Variants in PTPRO observed in about 807,000 individuals in gnomAD.
PTPRO encodes receptor-type tyrosine-protein phosphatase O.
A neutral mutation model predicts 145.2 loss-of-function variants in PTPRO; 62 were observed. The observed-to-expected ratio is 0.43, with a 90% CI of 0.35 to 0.53. The LOEUF is 0.53. PTPRO is among the 20% of genes least tolerant of loss of function. The pLI is 0.01. For missense variants in PTPRO, 1,345 were observed against 1,482.7 expected, an observed-to-expected ratio of 0.91 and a Z score of 1.53; for synonymous variants, 565 against 514.7, an observed-to-expected ratio of 1.10 and a Z score of -1.32.
At chr12:15,391,841 CT>C (rs1314124981) in intron 1 of PTPRO, among the ~76,000 whole-genome samples, 1 of 152,174 alleles carries the variant, frequency 6.6e-6, no homozygotes, top group Non-Finnish European at 1.5e-5. Flanking sequence ...AAGTGGGTCA[CT>C]GGGAATGATA....
chr12:15,525,058 A>T lies in PTPRO; in HGVS notation c.2043+93A>T, dbSNP rs960666. 0.39 allele frequency: 573,003 copies of T among 1,452,348 alleles called. 114,937 individuals carry two copies. Among genetic ancestry groups the T allele is most frequent in the Admixed American group, 0.5 (29,077 of 58,272 alleles). The allele number at this position is 1,452,348 out of a possible 1,614,324, so 90.0% of individuals were successfully genotyped here. A position where few individuals can be genotyped will look rare whatever the true frequency, so the allele number is the denominator to read the frequency against. On this transcript the variant is annotated intron_variant, in intron 11 of 26. Coordinates refer to ENST00000281171, the MANE Select transcript of PTPRO (RefSeq NM_030667.3). ...AAGCAATCATTTATTGACACGTCAA[A>T]TGTTTGCATACCAGTTGTCTGTTTT...
At chr12:15,556,370 A>G (rs532121620) in intron 15 of PTPRO, among the ~76,000 whole-genome samples, 3 of 152,180 alleles carry the variant, frequency 2.0e-5, no homozygotes. Context: ...TCTCTGCTTC[A>G]GTTCTGAGTA....
At chr12:15,499,668 C>T (rs974169645) in intron 4 of PTPRO, 74 bp downstream of exon 4, 1 of 1,477,888 alleles carries the variant, frequency 6.8e-7, no homozygotes, top group Non-Finnish European at 9.4e-7. Flanking sequence ...ATTTTTTATC[C>T]TAAGAAATAT....
intron 23 of PTPRO, among the ~76,000 whole-genome samples, chr12:15,585,085 A>C (rs1944403091): frequency 6.6e-6 from 1 of 152,174 alleles, no homozygotes. Flanking sequence ...AGCTGCGGAG[A>C]AACTAACTAC....
At chr12:15,575,000 T>A (rs1375220124) in intron 19 of PTPRO, among the ~76,000 whole-genome samples, 4 of 152,182 alleles carry the variant, frequency 2.6e-5, no homozygotes, top group Admixed American at 1.3e-4. Flanking sequence ...TAACCCCCAA[T>A]GCAATGGTAT....
intron 1 of PTPRO, among the ~76,000 whole-genome samples, chr12:15,397,538 A>T (rs1939374893): frequency 6.6e-6 from 1 of 152,164 alleles, no homozygotes; most frequent in African/African-American, 2.4e-5. Flanking sequence ...CTTGCCTGAA[A>T]TTGGATTTCA....
intron 1 of PTPRO, among the ~76,000 whole-genome samples, chr12:15,346,898 T>C (rs568046111): frequency 1.3e-5 from 2 of 152,306 alleles, no homozygotes; most frequent in South Asian, 4.1e-4. Context: ...ACTTTGTTAG[T>C]GTCATCTCTT....
intron 1 of PTPRO, among the ~76,000 whole-genome samples, chr12:15,325,072 G>A (rs559285322): frequency 2.6e-5 from 4 of 152,202 alleles, no homozygotes; most frequent in African/African-American, 7.2e-5. Flanking sequence ...CACGTGTGCC[G>A]AGTCAGAAAT....
intron 1 of PTPRO, among the ~76,000 whole-genome samples, chr12:15,436,760 G>A (rs998619267): frequency 6.6e-6 from 1 of 152,218 alleles, no homozygotes. Flanking sequence ...TTAGTCTTGT[G>A]CCAGAGATTG....
chr12:15,480,258 C>T (rs934156194), intron 1 of PTPRO, among the ~76,000 whole-genome samples: 5 of 152,030 alleles, frequency 3.3e-5, no homozygotes, highest in Admixed American at 6.5e-5. Flanking sequence ...ACATCCAAAA[C>T]CTGGATTTTC....
chr12:15,520,329 G>A lies in PTPRO; in HGVS notation c.1891+17G>A, dbSNP rs368824430. 3 of 1,560,036 alleles carry A rather than the reference G, an allele frequency of 1.9e-6. No homozygotes were observed. Among genetic ancestry groups the A allele is most frequent in the African/African-American group, 2.7e-5 (2 of 73,738 alleles). ...TCATAACAGGTGAGGCATGTGTGGG[G>A]AACAGTTCCACAAGGAGAGAGCATT... On this transcript the variant is annotated intron_variant, in intron 10 of 26. Coordinates refer to ENST00000281171, the MANE Select transcript of PTPRO (RefSeq NM_030667.3).
At chr12:15,475,367 C>T (rs1043267792) in intron 1 of PTPRO, among the ~76,000 whole-genome samples, 1 of 152,154 alleles carries the variant, frequency 6.6e-6, no homozygotes, top group Non-Finnish European at 1.5e-5. Flanking sequence ...TTTTGCTTAA[C>T]AGACTTTCCC....
Position 15,353,968 on chromosome 12 carries a change from C to T in PTPRO, c.75+31167C>T, listed in dbSNP as rs116942334. On this transcript the variant is annotated intron_variant, in intron 1 of 26. Coordinates refer to ENST00000281171, the MANE Select transcript of PTPRO (RefSeq NM_030667.3). ...TGCTCTTGTCTGCAGCTGATCTGGG[C>T]TCACTGGTTTTGGCATCCATCAAGT... Among the ~76,000 whole-genome samples, 801 of 152,276 alleles carry T rather than the reference C, an allele frequency of 5.3e-3. 1 individual carries two copies. The highest frequency in any genetic ancestry group is 8.0e-3 in the Non-Finnish European group (541 of 68,024).
chr12:15,433,497 C>T (rs1940509899), intron 1 of PTPRO, among the ~76,000 whole-genome samples: 1 of 152,164 alleles, frequency 6.6e-6, no homozygotes, highest in Non-Finnish European at 1.5e-5. Context: ...TTAGGCTTTA[C>T]ATTTAAGTCT....
chr12:15,455,175 A>C (rs760484166), intron 1 of PTPRO, among the ~76,000 whole-genome samples: 18 of 152,198 alleles, frequency 1.2e-4, no homozygotes, highest in Non-Finnish European at 2.6e-4. Flanking sequence ...GTAGCCTGGA[A>C]TGCTCTCCTC....
intron 1 of PTPRO, among the ~76,000 whole-genome samples, chr12:15,344,828 A>T (rs899013931): frequency 6.6e-6 from 1 of 152,188 alleles, no homozygotes; most frequent in Non-Finnish European, 1.5e-5. Context: ...ATGCTTTAAT[A>T]CAATGTTCCT....
chr12:15,590,597 C>G (rs1013658683), intron 25 of PTPRO, among the ~76,000 whole-genome samples: 1 of 152,152 alleles, frequency 6.6e-6, no homozygotes, highest in African/African-American at 2.4e-5. Flanking sequence ...TTTCCCACTC[C>G]TTTTACTTTT....
At chr12:15,465,831 C>T (rs1048934997) in intron 1 of PTPRO, among the ~76,000 whole-genome samples, 1 of 152,020 alleles carries the variant, frequency 6.6e-6, no homozygotes, top group African/African-American at 2.4e-5. Context: ...AAATAGGGGA[C>T]TAATTGTGGA....
intron 1 of PTPRO, among the ~76,000 whole-genome samples, chr12:15,469,507 C>G (rs1357564358): frequency 1.3e-5 from 2 of 152,118 alleles, no homozygotes; most frequent in African/African-American, 4.8e-5. Context: ...CAGTCAGACA[C>G]CAGCCAAGCA....
Sources: allele counts gnomAD v4.1 joint callset (sites outside exome capture counted in the v4.1 genomes callset), GRCh38; gene constraint gnomAD v4.1.1; transcripts MANE v1.5; gene names NCBI Gene and HGNC (gene_info 2026-07-23, HGNC 2026-07-21).